Variants in UXS1 observed in about 807,000 individuals in gnomAD.
The protein encoded by UXS1 is UDP-glucuronic acid decarboxylase 1.
UXS1 carries 33 observed loss-of-function variants against 62.6 expected under a neutral mutation model. The ratio of observed to expected loss-of-function variants is 0.53; its 90% CI spans 0.40 to 0.70. UXS1 has a LOEUF of 0.70. Ranked by LOEUF, UXS1 falls within the 30% of genes least tolerant of loss-of-function variation. The pLI, the probability that UXS1 is intolerant of heterozygous loss-of-function variation, is 0.00. For missense variants in UXS1, 434 were observed against 556.3 expected, an observed-to-expected ratio of 0.78 and a Z score of 2.21; for synonymous variants, 213 against 206.8, an observed-to-expected ratio of 1.03 and a Z score of -0.26.
At chr2:106,117,341 A>G (rs1573438931) in intron 9 of UXS1, among the ~76,000 whole-genome samples, 1 of 152,210 alleles carries the variant, frequency 6.6e-6, no homozygotes, top group Non-Finnish European at 1.5e-5. Flanking sequence ...GAAGTGTTTT[A>G]GTCTTTATTT....
chr2:106,110,569 G>A (rs1231299785), intron 10 of UXS1, among the ~76,000 whole-genome samples: 7 of 152,140 alleles, frequency 4.6e-5, no homozygotes, highest in Non-Finnish European at 5.9e-5. Context: ...CGCAGGTCAC[G>A]GCACGAGCTC....
intron 1 of UXS1, among the ~76,000 whole-genome samples, chr2:106,189,529 G>A (rs1192453360): frequency 3.3e-5 from 5 of 152,196 alleles, no homozygotes; most frequent in African/African-American, 9.7e-5. Flanking sequence ...AGAAGTGGAA[G>A]TAGCACTTCC....
intron 10 of UXS1, among the ~76,000 whole-genome samples, chr2:106,109,867 T>TTTC (rs1678436386): frequency 6.6e-6 from 1 of 152,176 alleles, no homozygotes; most frequent in African/African-American, 2.4e-5. Context: ...CGCTGAGCTG[T>TTTC]TTCTGGCCAC....
Position 106,112,743 on chromosome 2 carries a change from G to C in UXS1, c.782C>G (p.Ala261Gly), listed in dbSNP as rs1256623199. Residue 261 changes from alanine to glycine, a missense_variant, in exon 10 of 15, where the codon GCC (alanine) becomes GGC (glycine). Physicochemically the swap from Ala to Gly is moderately conservative, Grantham distance 60. Coordinates refer to ENST00000283148, the MANE Select transcript of UXS1 (RefSeq NM_001253875.2). Reference protein sequence around the residue: ...MKQEGVEVRVARIFNTFGPRM... With the variant: ...MKQEGVEVRVGRIFNTFGPRM... ...TGGCCCAAAGGTGTTGAAGATTCTG[G>C]CCACTCGCACTTCCACGCCTTCCTG... 6.2e-7 allele frequency: 1 copy of C among 1,613,800 alleles called. No homozygotes were observed. Among genetic ancestry groups the C allele is most frequent in the East Asian group, 2.2e-5 (1 of 44,882 alleles).
intron 9 of UXS1, among the ~76,000 whole-genome samples, chr2:106,118,069 G>A (rs1192470814): frequency 1.3e-5 from 2 of 152,200 alleles, no homozygotes; most frequent in African/African-American, 4.8e-5. Flanking sequence ...CTCTGCCAGT[G>A]TCTAGGTGGG....
intron 7 of UXS1, among the ~76,000 whole-genome samples, chr2:106,126,191 G>A (rs760919425): frequency 6.6e-6 from 1 of 152,116 alleles, no homozygotes; most frequent in Non-Finnish European, 1.5e-5. Context: ...CAAAGCAACT[G>A]TCACATTCCT....
chr2:106,097,916 C>T (rs577629059), intron 13 of UXS1, among the ~76,000 whole-genome samples: 43 of 152,328 alleles, frequency 2.8e-4, no homozygotes, highest in Non-Finnish European at 4.9e-4. Context: ...CCACGAGCAA[C>T]GGGAGGATTC....
chr2:106,102,217 C>T (rs1274856485), intron 11 of UXS1: 1 of 152,200 alleles, frequency 6.6e-6, no homozygotes, highest in Admixed American at 6.5e-5. Context: ...TTTATAGAAA[C>T]TAGCAAAAAG....
chr2:106,179,761 A>G (rs978726724), intron 1 of UXS1, among the ~76,000 whole-genome samples: 4 of 152,258 alleles, frequency 2.6e-5, no homozygotes, highest in African/African-American at 9.6e-5. Flanking sequence ...ATATAAATCT[A>G]CCAATGAGTT....
intron 11 of UXS1, among the ~76,000 whole-genome samples, chr2:106,104,099 T>C (rs539793502): frequency 1.3e-5 from 2 of 152,198 alleles, no homozygotes; most frequent in Non-Finnish European, 2.9e-5. Flanking sequence ...GTTCAAAATA[T>C]AGAACTGGGT....
At chr2:106,172,431 G>C (rs538399919) in intron 1 of UXS1, among the ~76,000 whole-genome samples, 1 of 152,338 alleles carries the variant, frequency 6.6e-6, no homozygotes, top group South Asian at 2.1e-4. Flanking sequence ...GCAAATGCAG[G>C]TCTCTTTTTA....
intron 8 of UXS1, among the ~76,000 whole-genome samples, chr2:106,123,461 C>T (rs1679685973): frequency 6.6e-6 from 1 of 152,032 alleles, no homozygotes; most frequent in South Asian, 2.1e-4. Context: ...ATAACTGGAG[C>T]AAATCATGTA....
At chr2:106,145,551 G>T in intron 5 of UXS1, 181 bp from the exon 6 acceptor site, 1 of 631,274 alleles carries the variant, frequency 1.6e-6, no homozygotes, top group Non-Finnish European at 2.5e-6. Context: ...GAACAAAGAG[G>T]TCATACTATC....
In UXS1 at chr2:106,112,699, C is replaced by T. The variant is rs770687625; in HGVS notation, c.826G>A (p.Gly276Arg). Residue 276 changes from glycine (G) to arginine (R), a missense_variant, in exon 10 of 15, where the codon GGG (glycine) becomes AGG (arginine). This residue lies in a region of UXS1 where 209 missense variants were observed against 233.3 expected (regional missense o/e 0.90). Coordinates refer to ENST00000283148, the MANE Select transcript of UXS1 (RefSeq NM_001253875.2). ...TFGPRMHMND[G>R]RVVSNFILQA... is the part of the protein sequence containing the mutation. ...AGGATGAAGTTGCTGACTACTCGCC[C>T]ATCGTTCATGTGCATGCGTGGCCCA... The T allele has an allele frequency of 1.2e-6, 2 of 1,613,996 alleles. No homozygotes were observed. The highest frequency in any genetic ancestry group is 1.7e-6 in the Non-Finnish European group (2 of 1,179,894).
intron 11 of UXS1, chr2:106,102,112 G>A (rs1031399898): frequency 1.1e-4 from 17 of 152,110 alleles, no homozygotes; most frequent in African/African-American, 3.6e-4. Context: ...TTTCCTTTAC[G>A]ACAAATGCGT....
chr2:106,117,920 G>A (rs1679189356), intron 9 of UXS1, among the ~76,000 whole-genome samples: 2 of 152,252 alleles, frequency 1.3e-5, no homozygotes, highest in East Asian at 1.9e-4. Flanking sequence ...TGACTCGAGG[G>A]GTTGGCTGAG....
intron 10 of UXS1, among the ~76,000 whole-genome samples, chr2:106,109,322 A>C (rs567577903): frequency 1.1e-4 from 16 of 152,328 alleles, no homozygotes; most frequent in South Asian, 8.3e-4. Context: ...CAATGTAAGA[A>C]TCACTTAACA....
intron 11 of UXS1, 72 bp from the exon 12 acceptor site, chr2:106,101,190 C>T: frequency 6.7e-7 from 1 of 1,490,862 alleles, no homozygotes; most frequent in South Asian, 1.3e-5. Context: ...ACATAGAAGC[C>T]CTCCCAGAAG....
chr2:106,099,964 G>T (rs534640516), intron 12 of UXS1, among the ~76,000 whole-genome samples: 11 of 152,350 alleles, frequency 7.2e-5, no homozygotes, highest in Middle Eastern at 3.4e-3. Context: ...GGTCTGCAAT[G>T]TATTTGAGAT....
Sources: gnomAD v4.1 joint callset for allele counts (sites outside exome capture counted in the v4.1 genomes callset) on GRCh38, gnomAD v4.1.1 for gene constraint, gnomAD v4.1.1 regional missense constraint, MANE v1.5 for transcripts, NCBI Gene and HGNC (gene_info 2026-07-23, HGNC 2026-07-21) for gene names.